The following POLR2F variants were observed in gnomAD, a reference collection of about 807,000 sequenced individuals.
POLR2F encodes RNA polymerase II, I and III subunit F, also known as DNA-directed RNA polymerases I, II, and III subunit RPABC2.
Under a neutral mutation model 22.7 loss-of-function variants are expected in POLR2F, and 12 were observed. The observed-to-expected ratio is 0.53, with a 90% CI of 0.34 to 0.86. POLR2F has a LOEUF of 0.86. POLR2F is among the 40% of genes least tolerant of loss of function. The pLI, the probability that POLR2F is intolerant of heterozygous loss-of-function variation, is 0.02. For synonymous variants in POLR2F, 57 were observed against 66.0 expected, an observed-to-expected ratio of 0.86 and a Z score of 0.66; for missense variants, 126 against 171.5, an observed-to-expected ratio of 0.73 and a Z score of 1.48.
At chr22:37,995,363 C>T (rs1216493958) in intron 1 of POLR2F, among the ~76,000 whole-genome samples, 1 of 152,100 alleles carries the variant, frequency 6.6e-6, no homozygotes, top group Non-Finnish European at 1.5e-5. Context: ...TCTGTCATTC[C>T]CTTAGCGCTG....
At chr22:38,020,973 G>A (rs767605400) in intron 1 of POLR2F, among the ~76,000 whole-genome samples, 1 of 152,240 alleles carries the variant, frequency 6.6e-6, no homozygotes, top group Non-Finnish European at 1.5e-5. Flanking sequence ...GCTGCCTGGT[G>A]TGAGGCTCTT....
chr22:38,040,732 T>C, intron 5 of POLR2F: 1 of 401,630 alleles, frequency 2.5e-6, no homozygotes. Flanking sequence ...GTGGGGGTCC[T>C]TCAGCTTCAG....
chr22:38,038,333 C>G (rs778980748), intron 5 of POLR2F, among the ~76,000 whole-genome samples: 5 of 152,064 alleles, frequency 3.3e-5, no homozygotes, highest in Non-Finnish European at 7.4e-5. Context: ...TAGGGTGGGC[C>G]AGGCCCCAGA....
chr22:37,959,507 A>G (rs1474302553), intron 3 of POLR2F, 31 bp downstream of exon 3: 3 of 1,609,860 alleles, frequency 1.9e-6, no homozygotes, highest in African/African-American at 1.3e-5. Context: ...TGTCTTCTCC[A>G]TCTGTCAGGC....
At position 38,016,663 on chromosome 22, in the gene POLR2F, T is replaced by G. The variant is rs1038608740; in HGVS notation, c.121-9206T>G. ...TCCTGGTTTATCTGGTTCCTCTTGT[T>G]TATGAGCAGGGCTCCTTTGGCAGCG... On this transcript the variant is annotated intron_variant, in intron 1 of 2. Transcript: ENST00000333418. The surrounding 1 kb of genome is among the most constrained non-coding windows in gnomAD (Gnocchi z 4.4). Among the ~76,000 whole-genome samples the G allele has an allele frequency of 6.6e-6, 1 of 152,056 alleles. No individual in the cohort carries two copies. Among genetic ancestry groups the G allele is most frequent in the African/African-American group, 2.4e-5 (1 of 41,394 alleles).
chr22:38,025,613 C>T, intron 1 of POLR2F: 1 of 1,550,884 alleles, frequency 6.4e-7, no homozygotes, highest in Non-Finnish European at 8.7e-7. Context: ...AGTGCTGAGA[C>T]CCTCCTACGC....
At chr22:38,025,638 T>G in intron 1 of POLR2F, 1 of 1,564,756 alleles carries the variant, frequency 6.4e-7, no homozygotes, top group Non-Finnish European at 8.6e-7. Context: ...GCCCACAGCC[T>G]AGGCTCTTTC....
chr22:38,008,859 A>C (rs1322533043), intron 1 of POLR2F, among the ~76,000 whole-genome samples: 1 of 147,122 alleles, frequency 6.8e-6, no homozygotes, highest in Non-Finnish European at 1.5e-5. Context: ...TGCTGTCTCA[A>C]AAAAAAAAAA....
At chr22:38,030,496 A>C (rs1601917428), downstream of POLR2F, among the ~76,000 whole-genome samples, 1 of 152,208 alleles carries the variant, frequency 6.6e-6, no homozygotes. Context: ...GCACTGCCAC[A>C]CCCTGGGTTA....
chr22:37,974,215 CAG>C (rs749386806), downstream of POLR2F: 319 of 1,579,414 alleles, frequency 2.0e-4, no homozygotes, highest in Non-Finnish European at 2.4e-4. The surrounding 1 kb of genome is among the most constrained non-coding windows in gnomAD (Gnocchi z 5.4). Flanking sequence ...AGAAGGGAGA[CAG>C]AGAGAGAGAG....
chr22:38,025,507 A>G, intron 1 of POLR2F: 1 of 1,425,984 alleles, frequency 7.0e-7, no homozygotes, highest in East Asian at 2.5e-5. Flanking sequence ...CACAGTCCCA[A>G]CATTCACAAA....
chr22:37,984,882 AG>A (rs1932526182), upstream of POLR2F, among the ~76,000 whole-genome samples: 1 of 152,146 alleles, frequency 6.6e-6, no homozygotes, highest in South Asian at 2.1e-4. The surrounding 1 kb of genome is among the most constrained non-coding windows in gnomAD (Gnocchi z 4.4). Context: ...CTCAGGTGGC[AG>A]GATGGGCACT....
chr22:38,036,444 A>G (rs1013197593), intron 5 of POLR2F, among the ~76,000 whole-genome samples: 1 of 151,410 alleles, frequency 6.6e-6, no homozygotes, highest in South Asian at 2.1e-4. Flanking sequence ...AGGGGCCTGG[A>G]AGCCCCCATT....
At chr22:38,031,517 C>G (rs1401881188), downstream of POLR2F, among the ~76,000 whole-genome samples, 1 of 152,104 alleles carries the variant, frequency 6.6e-6, no homozygotes, top group African/African-American at 2.4e-5. The surrounding 1 kb of genome is among the most constrained non-coding windows in gnomAD (Gnocchi z 4.1). Flanking sequence ...CCACCAGGTC[C>G]CCAGAGCCCA....
At chr22:37,960,154 C>T (rs1931572763) in intron 3 of POLR2F, among the ~76,000 whole-genome samples, 1 of 151,908 alleles carries the variant, frequency 6.6e-6, no homozygotes, top group East Asian at 1.9e-4. Flanking sequence ...CAATCTGTTG[C>T]CCATGCTGGA....
At chr22:38,008,400 C>T (rs1037213047) in intron 1 of POLR2F, among the ~76,000 whole-genome samples, 1 of 151,902 alleles carries the variant, frequency 6.6e-6, no homozygotes, top group Non-Finnish European at 1.5e-5. Context: ...AAAAAATTAG[C>T]TGGGCGTGGT....
intron 1 of POLR2F, among the ~76,000 whole-genome samples, chr22:38,020,897 A>C (rs896380703): frequency 6.6e-6 from 1 of 152,130 alleles, no homozygotes; most frequent in Non-Finnish European, 1.5e-5. Flanking sequence ...ACTTGCAATC[A>C]GGGTCATGAT....
downstream of POLR2F, chr22:37,970,947 C>A: frequency 7.4e-6 from 2 of 271,732 alleles, no homozygotes; most frequent in South Asian, 7.3e-5. Context: ...TACCATCCAG[C>A]TTCACGGGAA....
intron 1 of POLR2F, among the ~76,000 whole-genome samples, chr22:37,999,572 G>A (rs528169394): frequency 6.6e-6 from 1 of 152,246 alleles, no homozygotes; most frequent in South Asian, 2.1e-4. Context: ...CTGCACCTGG[G>A]CGTCCTGACA....
Sources: allele counts gnomAD v4.1 joint callset (sites outside exome capture counted in the v4.1 genomes callset), GRCh38; gene constraint gnomAD v4.1.1; non-coding constraint Gnocchi (gnomAD v3.1); transcripts MANE v1.5; gene names NCBI Gene and HGNC (gene_info 2026-07-23, HGNC 2026-07-21).